NECAP2: variants seen among roughly 807,000 people sequenced by gnomAD.
NECAP2 encodes adaptin ear-binding coat-associated protein 2.
In NECAP2, 38 loss-of-function variants were observed where a neutral mutation model predicts 37.8. The ratio of observed to expected loss-of-function variants is 1.01; its 90% CI spans 0.78 to 1.32. The LOEUF is 1.32. NECAP2 is among the 40% of genes most tolerant of loss of function. The probability of loss-of-function intolerance (pLI) is 0.00; values close to 1 mark genes in which losing one functional copy is unlikely to be tolerated. For synonymous variants in NECAP2, 121 were observed against 127.7 expected, an observed-to-expected ratio of 0.95 and a Z score of 0.35; for missense variants, 316 against 334.5, an observed-to-expected ratio of 0.94 and a Z score of 0.43.
Position 16,459,636 on chromosome 1 carries a change from A to T in NECAP2, c.*746A>T, listed in dbSNP as rs2086985320. Reference sequence around the variant, plus strand: ...GGTTTCCATGTATTCTAGGCCAGGTAGGCAACACAGAGCCAAGGCGGGTGC... The same window carrying T: ...GGTTTCCATGTATTCTAGGCCAGGTTGGCAACACAGAGCCAAGGCGGGTGC... On this transcript the variant is annotated 3_prime_UTR_variant, in exon 8 of 8. Coordinates refer to ENST00000337132, the MANE Select transcript of NECAP2 (RefSeq NM_018090.5). 1 of 152,268 alleles carries T rather than the reference A, an allele frequency of 6.6e-6. No individual in the cohort carries two copies. The highest frequency in any genetic ancestry group is 6.5e-5 in the Admixed American group (1 of 15,278). 9.4% of individuals were successfully genotyped at this position (152,268 alleles called of 1,614,324 possible).
At chr1:16,453,645 C>T (rs1009714525) in intron 6 of NECAP2, among the ~76,000 whole-genome samples, 6 of 151,980 alleles carry the variant, frequency 3.9e-5, no homozygotes, top group South Asian at 2.1e-4. Flanking sequence ...CGCACCACCA[C>T]GCCCAGCTAA....
intron 7 of NECAP2, among the ~76,000 whole-genome samples, chr1:16,458,573 A>G (rs771447027): frequency 2.6e-4 from 40 of 151,740 alleles, no homozygotes; most frequent in Non-Finnish European, 4.9e-4. Flanking sequence ...CCTGGGCGAC[A>G]GTGAGACCCT....
intron 5 of NECAP2, chr1:16,449,487 C>T (rs2086810431): frequency 5.8e-6 from 2 of 346,296 alleles, no homozygotes; most frequent in East Asian, 5.6e-5. Context: ...GGGTGTGCAG[C>T]CCATAGTTGT....
In NECAP2 at chr1:16,448,089, G is replaced by T. The variant is rs754976615; in HGVS notation, c.328G>T (p.Gly110Trp). The stretch of plus-strand genomic sequence containing the variant: ...ACGGGCGTTTATTGGAATTGGCTTC[G>T]GGGACCGAGGTGATGCCTTTGACTT... The part of the protein sequence containing the change: ...GRRAFIGIGF[G>W]DRGDAFDFNV... Residue 110 changes from glycine to tryptophan, a missense_variant, in exon 4 of 8, where the codon GGG becomes TGG. Physicochemically the swap from Gly to Trp is radical, Grantham distance 184 (BLOSUM62 -2). Around this residue, in one of 3 missense-constraint regions of NECAP2, gnomAD observed 204 missense variants for 188.6 expected, o/e 1.08. Transcript: ENST00000337132. 32 of 1,614,054 alleles carry T rather than the reference G, an allele frequency of 2.0e-5. No individual in the cohort carries two copies. The highest frequency in any genetic ancestry group is 2.6e-5 in the Non-Finnish European group (31 of 1,180,038).
intron 7 of NECAP2, among the ~76,000 whole-genome samples, chr1:16,457,370 T>C (rs2086936208): frequency 6.6e-6 from 1 of 152,088 alleles, no homozygotes; most frequent in South Asian, 2.1e-4. Flanking sequence ...GGCACGAGAA[T>C]TGCTTGAACC....
At chr1:16,457,110 A>G (rs1044703188) in intron 7 of NECAP2, among the ~76,000 whole-genome samples, 3 of 152,240 alleles carry the variant, frequency 2.0e-5, no homozygotes, top group African/African-American at 7.2e-5. Context: ...AGCCACAGAC[A>G]ATATGTAAAT....
At position 16,459,993 on chromosome 1, in the gene NECAP2, A is replaced by G. The variant is rs2086991847; in HGVS notation, c.*1103A>G. 1 of 152,222 alleles carries G rather than the reference A, an allele frequency of 6.6e-6. No individual in the cohort carries two copies. Among genetic ancestry groups the G allele is most frequent in the Admixed American group, 6.5e-5 (1 of 15,282 alleles). 9.4% of individuals were successfully genotyped at this position (152,222 alleles called of 1,614,324 possible). The stretch of plus-strand genomic sequence containing the variant: ...CTCAGTTGAAAGATTTCTTCTTTGA[A>G]AGGTCAAGACCGTGAACTGAAAAAA... On this transcript the variant is annotated 3_prime_UTR_variant, in exon 8 of 8. Coordinates refer to ENST00000337132, the MANE Select transcript of NECAP2 (RefSeq NM_018090.5).
chr1:16,458,387 A>G (rs2086959683), intron 7 of NECAP2, among the ~76,000 whole-genome samples: 1 of 152,056 alleles, frequency 6.6e-6, no homozygotes, highest in Non-Finnish European at 1.5e-5. Flanking sequence ...AGATCACTTG[A>G]GGCCAGGAGT....
Position 16,459,117 on chromosome 1 carries a change from A to G in NECAP2, c.*227A>G. 2 of 982,062 alleles carry G rather than the reference A, an allele frequency of 2.0e-6. No individual in the cohort carries two copies. Among genetic ancestry groups the G allele is most frequent in the Non-Finnish European group, 2.9e-6 (2 of 679,430 alleles). The allele number at this position is 982,062 out of a possible 1,614,324, so 60.8% of individuals were successfully genotyped here. A position where few individuals can be genotyped will look rare whatever the true frequency, so the allele number is the denominator to read the frequency against. On this transcript the variant is annotated 3_prime_UTR_variant, in exon 8 of 8. Transcript: ENST00000337132. ...TGCAACCAGAACACAGGAGAAGAAA[A>G]GCTCCAGGATCCCTGTCCCCATCTG...
At chr1:16,444,278 G>C (rs992088487) in intron 2 of NECAP2, among the ~76,000 whole-genome samples, 1 of 152,196 alleles carries the variant, frequency 6.6e-6, no homozygotes, top group East Asian at 1.9e-4. Flanking sequence ...GGCCACCTGT[G>C]CCTCTGGGTG....
chr1:16,455,703 T>C (rs2086906366), intron 6 of NECAP2, 115 bp from the exon 7 acceptor site: 1 of 790,618 alleles, frequency 1.3e-6, no homozygotes, highest in African/African-American at 1.7e-5. Flanking sequence ...AGCTACCTGG[T>C]GTCATGAGAC....
chr1:16,443,123 A>G (rs574712299), intron 1 of NECAP2, among the ~76,000 whole-genome samples: 5 of 152,318 alleles, frequency 3.3e-5, no homozygotes, highest in African/African-American at 1.2e-4. Flanking sequence ...AGTGTCAGAA[A>G]CAGAATCAGG....
chr1:16,444,385 T>C (rs2086731772), intron 2 of NECAP2, among the ~76,000 whole-genome samples: 1 of 152,172 alleles, frequency 6.6e-6, no homozygotes, highest in African/African-American at 2.4e-5. Context: ...CATTCGGTCA[T>C]TTATTTTTTC....
chr1:16,455,209 CTG>C (rs1340691838), intron 6 of NECAP2, among the ~76,000 whole-genome samples: 1 of 152,202 alleles, frequency 6.6e-6, no homozygotes, highest in East Asian at 1.9e-4. Context: ...GGGGAGGTGC[CTG>C]AAAAGCACAA....
At chr1:16,450,285 G>GT in intron 5 of NECAP2, 8 of 353,496 alleles carry the variant, frequency 2.3e-5, no homozygotes, top group Non-Finnish European at 3.9e-5. Flanking sequence ...GTTTTGTTTT[G>GT]TTGTTTTTTT....
rs1042938956 is a variant in NECAP2, at chr1:16,444,785, C to T, written c.193+1053C>T. ...TAGTGTCATAAGAGAATGGTAACAC[C>T]TCGTTCTCTGAGGAATTTGGTAACT... On this transcript the variant is annotated intron_variant, in intron 2 of 7. Coordinates refer to ENST00000337132, the MANE Select transcript of NECAP2 (RefSeq NM_018090.5). Among the ~76,000 whole-genome samples the T allele has an allele frequency of 5.6e-4, 85 of 152,288 alleles. 2 individuals are homozygous for T. Among genetic ancestry groups the T allele is most frequent in the Middle Eastern group, 3.4e-3 (1 of 294 alleles).
chr1:16,444,857 CTG>C (rs1265598522), intron 2 of NECAP2, among the ~76,000 whole-genome samples: 1 of 152,182 alleles, frequency 6.6e-6, no homozygotes, highest in Non-Finnish European at 1.5e-5. Context: ...GAGTCTTGCT[CTG>C]TCACCCAGGC....
chr1:16,459,266 G>A lies in NECAP2; in HGVS notation c.*376G>A. 2 of 250,144 alleles carry A rather than the reference G, an allele frequency of 8.0e-6. No homozygotes were observed. The highest frequency in any genetic ancestry group is 1.5e-5 in the Non-Finnish European group (2 of 131,018). 15.5% of individuals were successfully genotyped at this position (250,144 alleles called of 1,614,324 possible). A position where few individuals can be genotyped will look rare whatever the true frequency, so the allele number is the denominator to read the frequency against. On this transcript the variant is annotated 3_prime_UTR_variant, in exon 8 of 8. Coordinates refer to ENST00000337132, the MANE Select transcript of NECAP2 (RefSeq NM_018090.5). ...AGGATTCAGATCAGCCCTTCCCAGG[G>A]TCTGCAGGTGTCACATGATCACAGT...
chr1:16,444,941 C>T (rs898423333), intron 2 of NECAP2, among the ~76,000 whole-genome samples: 1 of 152,220 alleles, frequency 6.6e-6, no homozygotes, highest in Non-Finnish European at 1.5e-5. Context: ...TCTGCCTCAG[C>T]CTCTCGGGTA....
Sources: allele counts gnomAD v4.1 joint callset (sites outside exome capture counted in the v4.1 genomes callset), GRCh38; gene constraint gnomAD v4.1.1; regional missense constraint gnomAD v4.1.1; transcripts MANE v1.5; gene names NCBI Gene and HGNC (gene_info 2026-07-23, HGNC 2026-07-21).